The following UVRAG variants were observed in gnomAD, a reference collection of about 807,000 sequenced individuals.
UVRAG encodes UV radiation resistance associated, also known as UV radiation resistance-associated gene protein.
UVRAG carries 19 observed loss-of-function variants against 78.0 expected under a neutral mutation model. The ratio of observed to expected loss-of-function variants is 0.24; its 90% CI spans 0.17 to 0.36. UVRAG has a LOEUF of 0.36. UVRAG is among the 10% of genes least tolerant of loss of function. UVRAG has a pLI of 1.00. For synonymous variants in UVRAG, 323 were observed against 324.6 expected (o/e 1.00, Z 0.05); for missense variants, 740 against 853.8 (o/e 0.87, Z 1.66).
chr11:76,076,212 G>A (rs956825218), intron 13 of UVRAG, among the ~76,000 whole-genome samples: 1 of 152,112 alleles, frequency 6.6e-6, no homozygotes, highest in African/African-American at 2.4e-5. Flanking sequence ...CACTACTAAT[G>A]TACAAAGGTT....
chr11:75,910,670 G>C (rs527613850), intron 5 of UVRAG, among the ~76,000 whole-genome samples: 1 of 152,030 alleles, frequency 6.6e-6, no homozygotes, highest in African/African-American at 2.4e-5. Context: ...AATTGCAATA[G>C]GGAAAGAGTA....
intron 7 of UVRAG, among the ~76,000 whole-genome samples, chr11:75,971,705 A>G (rs1213800479): frequency 1.4e-5 from 2 of 147,214 alleles, no homozygotes; most frequent in Non-Finnish European, 3.0e-5. Flanking sequence ...TTTTTTTTGG[A>G]GATAGAGTCT....
chr11:76,076,706 T>C (rs1001911689), intron 13 of UVRAG, among the ~76,000 whole-genome samples: 4 of 152,240 alleles, frequency 2.6e-5, no homozygotes, highest in Non-Finnish European at 5.9e-5. Context: ...CTAATGATGT[T>C]GAGTGTCATT....
chr11:75,951,136 G>A (rs34154946), intron 6 of UVRAG, among the ~76,000 whole-genome samples: 1 of 151,916 alleles, frequency 6.6e-6, no homozygotes, highest in Non-Finnish European at 1.5e-5. Context: ...AGGCACTGTA[G>A]TCTTAGCTTT....
intron 6 of UVRAG, among the ~76,000 whole-genome samples, chr11:75,927,919 A>T (rs1948147548): frequency 6.6e-6 from 1 of 151,894 alleles, no homozygotes; most frequent in South Asian, 2.1e-4. Context: ...GAGTGATGTG[A>T]TCTGATTTCT....
intron 5 of UVRAG, chr11:75,911,184 A>G (rs897957014): frequency 1.3e-5 from 2 of 155,860 alleles, no homozygotes; most frequent in African/African-American, 4.8e-5. Context: ...TGATTCCAGG[A>G]TACCTCCTTC....
chr11:76,002,498 G>T (rs1949834630), intron 8 of UVRAG, among the ~76,000 whole-genome samples: 1 of 152,084 alleles, frequency 6.6e-6, no homozygotes, highest in Non-Finnish European at 1.5e-5. Context: ...CCTATTTGTG[G>T]TCTTGTTAAC....
At chr11:76,123,089 A>G (rs1952316637) in intron 14 of UVRAG, among the ~76,000 whole-genome samples, 1 of 152,136 alleles carries the variant, frequency 6.6e-6, no homozygotes, top group Admixed American at 6.5e-5. Flanking sequence ...TCTTTTTACC[A>G]TATCACAGTG....
chr11:75,907,711 T>A (rs918477510), intron 5 of UVRAG, among the ~76,000 whole-genome samples: 3 of 151,688 alleles, frequency 2.0e-5, no homozygotes, highest in East Asian at 1.9e-4. Context: ...TTTTTTTTTT[T>A]AGAAATGGTG....
chr11:76,040,544 G>GTTTGT (rs1565132564), intron 12 of UVRAG, among the ~76,000 whole-genome samples: 2 of 150,516 alleles, frequency 1.3e-5, no homozygotes, highest in South Asian at 2.1e-4. Flanking sequence ...TTGTTTGTTT[G>GTTTGT]TTTGTTTTGT....
rs544008553 is a variant in UVRAG at position 75,999,407 on chromosome 11, G to C, written c.827-4598G>C. 7.0e-4 allele frequency among the ~76,000 whole-genome samples: 106 copies of C among 151,974 alleles called. 1 individual carries two copies. The highest frequency in any genetic ancestry group is 7.7e-4 in the African/African-American group (32 of 41,462). ...GTTTATTTGTTTGTTTTTTGAGACA[G>C]AGTCTCACTCTGTCACCCAGGCTGG... On this transcript the variant is annotated intron_variant, in intron 8 of 14. Coordinates refer to ENST00000356136, the MANE Select transcript of UVRAG (RefSeq NM_003369.4).
At chr11:75,986,800 C>CCTT in intron 8 of UVRAG, among the ~76,000 whole-genome samples, 1 of 151,558 alleles carries the variant, frequency 6.6e-6, no homozygotes, top group South Asian at 2.1e-4. Flanking sequence ...CACCCCCCTA[C>CCTT]CTTCTGTCTC....
At chr11:75,878,882 CGGGACAGGGACA>C (rs530782453) in intron 3 of UVRAG, among the ~76,000 whole-genome samples, 1 of 72,856 alleles carries the variant, frequency 1.4e-5, no homozygotes, top group African/African-American at 5.8e-5. Context: ...CGTGGGGAGA[CGGGACAGGGACA>C]GGGACAGGGA....
chr11:75,956,032 A>G (rs975219017), intron 6 of UVRAG, among the ~76,000 whole-genome samples: 1 of 152,206 alleles, frequency 6.6e-6, no homozygotes, highest in African/African-American at 2.4e-5. Flanking sequence ...AGGGAATCAT[A>G]CAATATGGAC....
chr11:75,970,956 A>G (rs1949111289), intron 7 of UVRAG, among the ~76,000 whole-genome samples: 1 of 152,140 alleles, frequency 6.6e-6, no homozygotes, highest in Non-Finnish European at 1.5e-5. Flanking sequence ...TTATGTATCC[A>G]TCATTACAGC....
intron 6 of UVRAG, chr11:75,930,886 A>G (rs762769728): frequency 6.6e-6 from 1 of 152,104 alleles, no homozygotes; most frequent in Non-Finnish European, 1.5e-5. Flanking sequence ...GGTGAAAACG[A>G]TCTCTGGTAT....
chr11:76,006,584 C>T (rs573872157), intron 9 of UVRAG, among the ~76,000 whole-genome samples: 163 of 128,112 alleles, frequency 1.3e-3, no homozygotes, highest in Non-Finnish European at 2.1e-3. Flanking sequence ...CAGCTGAGCC[C>T]GGGAAGGTCG....
At chr11:75,860,304 T>G (rs1331534228) in intron 2 of UVRAG, among the ~76,000 whole-genome samples, 1 of 152,232 alleles carries the variant, frequency 6.6e-6, no homozygotes, top group African/African-American at 2.4e-5. Flanking sequence ...GCTAGAAATA[T>G]GTATTGCAAA....
At position 76,085,790 on chromosome 11, in the gene UVRAG, T is replaced by G. The variant is rs1951579540; in HGVS notation, c.1305+20002T>G. Among the ~76,000 whole-genome samples, 4 of 152,242 alleles carry G rather than the reference T, an allele frequency of 2.6e-5. No homozygotes were observed. The South Asian group carries it at 8.3e-4, about 31-fold the overall frequency. ...CAGTGGAAGGCACATTTAGCATTTT[T>G]CAGCATTAGGTCTTGTGATCAAGGT... is the stretch of plus-strand genomic sequence containing the variant. On this transcript the variant is annotated intron_variant, in intron 13 of 14. Transcript: ENST00000356136.
Sources: allele counts gnomAD v4.1 joint callset (sites outside exome capture counted in the v4.1 genomes callset), GRCh38; gene constraint gnomAD v4.1.1; transcripts MANE v1.5; gene names NCBI Gene and HGNC (gene_info 2026-07-23, HGNC 2026-07-21).